Variants in MOXD1 observed in about 807,000 individuals in gnomAD.
The protein encoded by MOXD1 is monooxygenase DBH like 1, also known as DBH-like monooxygenase protein 1.
MOXD1 carries 62 observed loss-of-function variants against 66.6 expected under a neutral mutation model. The ratio of observed to expected loss-of-function variants is 0.93; its 90% confidence interval spans 0.76 to 1.15. The LOEUF is 1.15. Among genes scored for constraint, MOXD1 ranks in the 50% most tolerant of loss-of-function variants. The pLI is 0.00. For synonymous variants in MOXD1, 303 were observed against 281.9 expected (o/e 1.07, Z -0.75); for missense variants, 847 against 754.6 (o/e 1.12, Z -1.44).
At chr6:132,347,723 G>T (rs1775695116) in intron 4 of MOXD1, among the ~76,000 whole-genome samples, 1 of 152,046 alleles carries the variant, frequency 6.6e-6, no homozygotes, top group Admixed American at 6.6e-5. Flanking sequence ...TTGCCCTCTA[G>T]TTGGAAAAGG....
At chr6:132,359,266 T>G (rs1309156009) in intron 4 of MOXD1, among the ~76,000 whole-genome samples, 1 of 151,900 alleles carries the variant, frequency 6.6e-6, no homozygotes, top group Non-Finnish European at 1.5e-5. Flanking sequence ...ACCAGCTAAA[T>G]TTTTTAAATT....
At chr6:132,346,827 C>A (rs56261920) in intron 4 of MOXD1, among the ~76,000 whole-genome samples, 67 of 152,208 alleles carry the variant, frequency 4.4e-4, no homozygotes, top group Non-Finnish European at 8.8e-4. Context: ...GTCCCAGGAA[C>A]AAAATAAATT....
chr6:132,324,174 AT>A, intron 6 of MOXD1, 77 bp from the exon 7 acceptor site: 1 of 1,448,234 alleles, frequency 6.9e-7, no homozygotes, highest in Non-Finnish European at 9.5e-7. Context: ...CTTGGTTTGA[AT>A]TTTTTAAAGT....
At chr6:132,340,932 C>T (rs1775545878) in intron 4 of MOXD1, among the ~76,000 whole-genome samples, 1 of 152,180 alleles carries the variant, frequency 6.6e-6, no homozygotes, top group Non-Finnish European at 1.5e-5. Flanking sequence ...AGGCGTGAGC[C>T]ACTGCGCCCG....
At chr6:132,318,403 C>A (rs571001138) in intron 9 of MOXD1, among the ~76,000 whole-genome samples, 1 of 151,992 alleles carries the variant, frequency 6.6e-6, no homozygotes, top group Admixed American at 6.6e-5. Flanking sequence ...AAACATCTCA[C>A]TCTGGTTTAT....
intron 2 of MOXD1, among the ~76,000 whole-genome samples, chr6:132,373,941 T>G (rs1481290615): frequency 1.3e-5 from 2 of 152,194 alleles, no homozygotes; most frequent in African/African-American, 4.8e-5. Flanking sequence ...CCTCGTTCAC[T>G]CTTTATGCTG....
chr6:132,374,688 T>A lies in MOXD1; in HGVS notation c.354A>T (p.Thr118=). 1 of 1,613,994 alleles carries A rather than the reference T, an allele frequency of 6.2e-7. No individual in the cohort carries two copies. The highest frequency in any genetic ancestry group is 1.1e-5 in the South Asian group (1 of 91,078). The change falls in exon 2 of 12, where the codon ACA becomes ACT. Residue 118 remains threonine (T), a synonymous_variant. Coordinates refer to ENST00000367963, the MANE Select transcript of MOXD1 (RefSeq NM_015529.4). The part of the protein sequence containing the change: ...LEYAMENSTH[T]IIEFTRELHT... ...GCAGCTCTCTGGTAAATTCAATTAT[T>A]GTGTGTGTGCTATTTTCCATGGCAT...
At chr6:132,303,154 C>G (rs1055396260) in intron 10 of MOXD1, among the ~76,000 whole-genome samples, 4 of 151,870 alleles carry the variant, frequency 2.6e-5, no homozygotes, top group Non-Finnish European at 5.9e-5. Flanking sequence ...ATATGAAAAG[C>G]ACAAAACAAA....
chr6:132,331,481 T>A (rs1227776787), intron 4 of MOXD1, among the ~76,000 whole-genome samples: 1 of 151,946 alleles, frequency 6.6e-6, no homozygotes, highest in Non-Finnish European at 1.5e-5. Context: ...TGAAAGAAAC[T>A]TTTAAGAGCA....
At position 132,372,988 on chromosome 6, in the gene MOXD1, C is replaced by T. The variant is rs919738687; in HGVS notation, c.421G>A (p.Val141Met). The T allele has an allele frequency of 6.2e-7, 1 of 1,612,418 alleles. No individual in the cohort carries two copies. The highest frequency in any genetic ancestry group is 8.5e-7 in the Non-Finnish European group (1 of 1,178,920). The change falls in exon 3 of 12, where the codon GTG becomes ATG. Residue 141 changes from valine to methionine, a missense_variant. Transcript: ENST00000367963. Reference protein sequence around the residue: ...INDKSITDSTVRVIWAYHHED... With the variant: ...INDKSITDSTMRVIWAYHHED... ...TGGTGGTAGGCCCAGATCACTCTCACAGTGCTATCCTGGGGATCAGACATG... is the reference window on the plus strand; with the variant it reads ...TGGTGGTAGGCCCAGATCACTCTCATAGTGCTATCCTGGGGATCAGACATG...
At chr6:132,400,730 A>G (rs990753724) in intron 1 of MOXD1, among the ~76,000 whole-genome samples, 2 of 151,822 alleles carry the variant, frequency 1.3e-5, no homozygotes, top group Non-Finnish European at 2.9e-5. Flanking sequence ...AAGTTCTGAG[A>G]TTTCCACTCC....
chr6:132,328,071 T>C lies in MOXD1; in HGVS notation c.888A>G (p.Pro296=), dbSNP rs778422135. ...PPHVGLSLGT[P]LDPHYVLLEV... is the part of the protein sequence containing the mutation. Reference sequence around the variant, plus strand: ...CTAGGAGCACATAATGCGGATCTAATGGAGTGCCAAGGGATAATCCAACAT... The same window carrying C: ...CTAGGAGCACATAATGCGGATCTAACGGAGTGCCAAGGGATAATCCAACAT... Residue 296 remains proline (P), a synonymous_variant, in exon 6 of 12, where the codon CCA becomes CCG. Transcript: ENST00000367963. 5.6e-6 allele frequency: 9 copies of C among 1,613,870 alleles called. No individual in the cohort carries two copies. Among genetic ancestry groups the C allele is most frequent in the Non-Finnish European group, 7.6e-6 (9 of 1,179,932 alleles).
At chr6:132,365,574 C>T (rs534304424) in intron 4 of MOXD1, among the ~76,000 whole-genome samples, 44 of 152,160 alleles carry the variant, frequency 2.9e-4, no homozygotes, top group Non-Finnish European at 5.0e-4. Flanking sequence ...AGGTTAAGTA[C>T]TTTCTCTAGG....
At chr6:132,333,108 G>A (rs984213055) in intron 4 of MOXD1, among the ~76,000 whole-genome samples, 91 of 152,176 alleles carry the variant, frequency 6.0e-4, no homozygotes, top group African/African-American at 2.0e-3. Context: ...AGGCCGAGGC[G>A]GGCAGATCAC....
chr6:132,359,659 T>C, intron 4 of MOXD1, among the ~76,000 whole-genome samples: 1 of 152,064 alleles, frequency 6.6e-6, no homozygotes, highest in Non-Finnish European at 1.5e-5. Context: ...GCTAATTTTT[T>C]GTATTTTTAG....
chr6:132,342,835 T>A (rs1042133506), intron 4 of MOXD1, among the ~76,000 whole-genome samples: 1 of 152,224 alleles, frequency 6.6e-6, no homozygotes, highest in African/African-American at 2.4e-5. Context: ...TTTCTTTCAG[T>A]CAATACATGC....
chr6:132,298,435 G>C (rs962655014), intron 10 of MOXD1, among the ~76,000 whole-genome samples: 7 of 152,248 alleles, frequency 4.6e-5, no homozygotes, highest in East Asian at 3.9e-4. Context: ...TTTCTGAAAA[G>C]TACAATGCTA....
chr6:132,307,769 T>C (rs1276571977), intron 10 of MOXD1, among the ~76,000 whole-genome samples: 1 of 152,112 alleles, frequency 6.6e-6, no homozygotes, highest in Non-Finnish European at 1.5e-5. Context: ...CCTGAATGAC[T>C]CCTGAGTAAA....
At chr6:132,370,993 A>T (rs995869855) in intron 4 of MOXD1, among the ~76,000 whole-genome samples, 9 of 152,284 alleles carry the variant, frequency 5.9e-5, no homozygotes, top group Admixed American at 5.2e-4. Context: ...ATTCAACTCA[A>T]TTATTAGCAT....
Sources: allele counts gnomAD v4.1 joint callset (sites outside exome capture counted in the v4.1 genomes callset), GRCh38; gene constraint gnomAD v4.1.1; transcripts MANE v1.5; gene names NCBI Gene and HGNC (gene_info 2026-07-23, HGNC 2026-07-21).